Variants in STK31 observed in about 807,000 individuals in gnomAD.
STK31 encodes serine/threonine kinase 31, also known as serine/threonine-protein kinase 31.
STK31 carries 89 observed loss-of-function variants against 129.7 expected under a neutral mutation model. That is an observed-to-expected ratio of 0.69 (90% CI 0.58 to 0.82). The LOEUF (loss-of-function observed/expected upper bound fraction) is 0.82, where lower values mean the gene tolerates loss of function less well. STK31 is among the 40% of genes least tolerant of loss of function. STK31 has a pLI of 0.00. For missense variants in STK31, 1,187 were observed against 1,176.4 expected, an observed-to-expected ratio of 1.01 and a Z score of -0.13; for synonymous variants, 448 against 395.3, an observed-to-expected ratio of 1.13 and a Z score of -1.58.
intron 11 of STK31, among the ~76,000 whole-genome samples, chr7:23,767,542 CT>C (rs1162299084): frequency 6.6e-6 from 1 of 152,218 alleles, no homozygotes; most frequent in African/African-American, 2.4e-5. Context: ...GCCTCAGCTA[CT>C]GCTCCTTTCC....
At chr7:23,727,556 CTTTTTTTTTTTTT>C (rs58066410) in intron 5 of STK31, 101 of 137,442 alleles carry the variant, frequency 7.3e-4, no homozygotes, top group African/African-American at 4.5e-3. Context: ...TACCTCAGTT[CTTTTTTTTTTTTT>C]TTTTTTTTTT....
chr7:23,723,448 T>A (rs536780773), intron 4 of STK31, among the ~76,000 whole-genome samples: 1 of 152,332 alleles, frequency 6.6e-6, no homozygotes, highest in African/African-American at 2.4e-5. Context: ...TGTGAGCCAC[T>A]GTGCCTGACC....
chr7:23,717,097 C>CTTTTTTTTTTTTTTTTTTTT (rs70956911), intron 3 of STK31, among the ~76,000 whole-genome samples: 5 of 42,956 alleles, frequency 1.2e-4, no homozygotes, highest in South Asian at 9.4e-4. Context: ...TCGCAACCTG[C>CTTTTTTTTTTTTTTTTTTTT]TTTTTTTTTT....
At chr7:23,827,015 T>C (rs1428821373) in intron 23 of STK31, among the ~76,000 whole-genome samples, 2 of 152,212 alleles carry the variant, frequency 1.3e-5, no homozygotes, top group Non-Finnish European at 2.9e-5. Context: ...TTCTAAACTC[T>C]GGCTGCCGTT....
At chr7:23,831,921 G>A (rs1284675827) in intron 23 of STK31, among the ~76,000 whole-genome samples, 1 of 152,144 alleles carries the variant, frequency 6.6e-6, no homozygotes, top group African/African-American at 2.4e-5. Flanking sequence ...ACAGGCATAA[G>A]CCACTGTGCC....
At chr7:23,817,269 A>G (rs1353628684) in intron 23 of STK31, among the ~76,000 whole-genome samples, 1 of 152,234 alleles carries the variant, frequency 6.6e-6, no homozygotes, top group African/African-American at 2.4e-5. Flanking sequence ...AGGTATATGT[A>G]TAATGAAAGT....
In STK31 at chr7:23,799,478, G is replaced by A. The variant is rs192906616; in HGVS notation, c.2760+8532G>A. ...CATCTGATCTTTGACAAACCTGACA[G>A]AAGCAAGCAATGGGGAAAGGATTCC... On this transcript the variant is annotated intron_variant, in intron 22 of 23. Transcript: ENST00000355870. Among the ~76,000 whole-genome samples the A allele has an allele frequency of 6.3e-3, 951 of 152,136 alleles. 7 individuals carry two copies. The highest frequency in any genetic ancestry group is 8.2e-3 in the Non-Finnish European group (558 of 67,948).
At chr7:23,755,754 T>A (rs1562575609) in intron 10 of STK31, among the ~76,000 whole-genome samples, 1 of 152,222 alleles carries the variant, frequency 6.6e-6, no homozygotes, top group Non-Finnish European at 1.5e-5. Flanking sequence ...GAATAGGAGA[T>A]GCTTTCCCAA....
At chr7:23,714,834 A>G (rs893377584) in intron 3 of STK31, among the ~76,000 whole-genome samples, 9 of 151,620 alleles carry the variant, frequency 5.9e-5, no homozygotes, top group African/African-American at 2.2e-4. Flanking sequence ...TTTTTAGGCC[A>G]TACAGTTTGT....
intron 8 of STK31, among the ~76,000 whole-genome samples, chr7:23,745,216 G>A (rs1051706081): frequency 3.9e-5 from 6 of 152,236 alleles, no homozygotes; most frequent in African/African-American, 1.4e-4. Flanking sequence ...TGGTGGACTG[G>A]GCTGGGTGAT....
At chr7:23,795,887 T>C (rs754317271) in intron 22 of STK31, among the ~76,000 whole-genome samples, 3 of 152,252 alleles carry the variant, frequency 2.0e-5, no homozygotes, top group Non-Finnish European at 4.4e-5. Context: ...CTGTACCCCA[T>C]TGTATCAAGG....
At chr7:23,830,492 T>C (rs1306746398) in intron 23 of STK31, among the ~76,000 whole-genome samples, 1 of 152,192 alleles carries the variant, frequency 6.6e-6, no homozygotes, top group Admixed American at 6.5e-5. Flanking sequence ...CTTTAACTTC[T>C]TCCTTGAACC....
At position 23,735,669 on chromosome 7, in the gene STK31, G is replaced by A; in HGVS notation, c.615G>A (p.Lys205=). Residue 205 remains lysine, a synonymous_variant, in exon 7 of 24, where the codon AAG becomes AAA. Transcript: ENST00000355870. ...GSVDIGEEVL[K]KGFAEKCRLA... ...TGGATATAGGGGAAGAGGTGCTTAAGAAAGGATTTGCAGAGAAATGCAGAC... is the reference window on the plus strand; with the variant it reads ...TGGATATAGGGGAAGAGGTGCTTAAAAAAGGATTTGCAGAGAAATGCAGAC... The A allele has an allele frequency of 6.8e-6, 11 of 1,614,084 alleles. No individual in the cohort carries two copies. Among genetic ancestry groups the A allele is most frequent in the Non-Finnish European group, 9.3e-6 (11 of 1,180,034 alleles).
At chr7:23,755,218 T>A (rs1788992621) in intron 10 of STK31, 1 of 152,244 alleles carries the variant, frequency 6.6e-6, no homozygotes, top group Admixed American at 6.5e-5. Context: ...TATCTTCTTG[T>A]GGTTTTGATT....
At chr7:23,727,162 G>T in intron 4 of STK31, 79 bp from the exon 5 acceptor site, 1 of 1,134,364 alleles carries the variant, frequency 8.8e-7, no homozygotes, top group Non-Finnish European at 1.3e-6. Context: ...TATAGGAAGA[G>T]CTTAAATGCT....
chr7:23,727,494 T>G, intron 5 of STK31, 179 bp downstream of exon 5: 1 of 571,828 alleles, frequency 1.7e-6, no homozygotes, highest in Non-Finnish European at 3.1e-6. Flanking sequence ...CCTCAGATTA[T>G]TCAAGAATAG....
At chr7:23,796,895 C>T (rs1256010576) in intron 22 of STK31, among the ~76,000 whole-genome samples, 1 of 150,474 alleles carries the variant, frequency 6.6e-6, no homozygotes, top group Non-Finnish European at 1.5e-5. Context: ...CACATAGGCT[C>T]AAAATAAAGG....
chr7:23,753,709 G>A (rs1788867074), intron 9 of STK31, among the ~76,000 whole-genome samples: 1 of 152,166 alleles, frequency 6.6e-6, no homozygotes. Flanking sequence ...TAACCCTACT[G>A]TCACCCACTC....
intron 4 of STK31, among the ~76,000 whole-genome samples, chr7:23,718,210 C>T (rs1786467059): frequency 6.6e-6 from 1 of 152,110 alleles, no homozygotes; most frequent in South Asian, 2.1e-4. Flanking sequence ...CTGCCATGTA[C>T]CTGGCACTGT....
Sources: gnomAD v4.1 joint callset for allele counts (sites outside exome capture counted in the v4.1 genomes callset) on GRCh38, gnomAD v4.1.1 for gene constraint, MANE v1.5 for transcripts, NCBI Gene and HGNC (gene_info 2026-07-23, HGNC 2026-07-21) for gene names.